The following TNFSF4 variants were observed in gnomAD, a reference collection of about 807,000 sequenced individuals.
TNFSF4 encodes the protein tumor necrosis factor ligand superfamily member 4.
TNFSF4 carries 4 observed loss-of-function variants against 7.3 expected under a neutral mutation model. That is an observed-to-expected ratio of 0.55 (90% confidence interval 0.27 to 1.25). The LOEUF is 1.25. Among genes scored for constraint, TNFSF4 ranks in the 50% most tolerant of loss-of-function variants. The pLI, the probability that TNFSF4 is intolerant of heterozygous loss-of-function variation, is 0.12. For missense variants in TNFSF4, 181 were observed against 208.8 expected (o/e 0.87, Z 0.82); for synonymous variants, 76 against 83.7 (o/e 0.91, Z 0.50).
At chr1:173,242,465 G>C in the TNFSF4 span, among the ~76,000 whole-genome samples, 4 of 152,304 alleles carry the variant, frequency 2.6e-5, no homozygotes, top group African/African-American at 9.6e-5. Flanking sequence ...TTTGCTTTGA[G>C]TAAAAGAATT....
Position 173,185,169 on chromosome 1 carries a change from A to G in TNFSF4, c.*1347T>C, listed in dbSNP as rs1649169805. On this transcript the variant is annotated 3_prime_UTR_variant, in exon 3 of 3. Transcript: ENST00000281834. ...TGTGATGTTGTATCCTCTATTGAAAATGTCAGGGAAACATGTGCTACAATT... is the reference window on the plus strand; with the variant it reads ...TGTGATGTTGTATCCTCTATTGAAAGTGTCAGGGAAACATGTGCTACAATT... The G allele has an allele frequency of 6.6e-6, 1 of 152,246 alleles. No individual in the cohort carries two copies. Among genetic ancestry groups the G allele is most frequent in the Non-Finnish European group, 1.5e-5 (1 of 68,044 alleles). The allele number at this position is 152,246 out of a possible 1,614,324, so 9.4% of individuals were successfully genotyped here. A position where few individuals can be genotyped will look rare whatever the true frequency, so the allele number is the denominator to read the frequency against.
At chr1:173,264,352 GTCTC>G in the TNFSF4 span, among the ~76,000 whole-genome samples, 7 of 141,442 alleles carry the variant, frequency 4.9e-5, no homozygotes, top group Non-Finnish European at 9.1e-5. Flanking sequence ...AGAGACAGTG[GTCTC>G]TCTATGTTGC....
At chr1:173,254,486 T>A in the TNFSF4 span, among the ~76,000 whole-genome samples, 3 of 152,316 alleles carry the variant, frequency 2.0e-5, no homozygotes, top group South Asian at 6.2e-4. Context: ...GATAAAATGG[T>A]CTGTTTTGGG....
chr1:173,399,697 G>A, the TNFSF4 span, among the ~76,000 whole-genome samples: 1 of 151,826 alleles, frequency 6.6e-6, no homozygotes. Flanking sequence ...ATAATCAAAT[G>A]GACAGGGTGA....
chr1:173,419,781 T>C, the TNFSF4 span, among the ~76,000 whole-genome samples: 1 of 152,192 alleles, frequency 6.6e-6, no homozygotes, highest in East Asian at 1.9e-4. Context: ...TTTATGTCCC[T>C]GCTATAATGG....
the TNFSF4 span, among the ~76,000 whole-genome samples, chr1:173,228,080 G>A: frequency 1.3e-5 from 2 of 152,298 alleles, no homozygotes; most frequent in African/African-American, 4.8e-5. Flanking sequence ...AAGAGGAGTA[G>A]TGGTTGTTCC....
At chr1:173,367,230 C>G in the TNFSF4 span, among the ~76,000 whole-genome samples, 1 of 152,194 alleles carries the variant, frequency 6.6e-6, no homozygotes, top group African/African-American at 2.4e-5. Context: ...AGAGTAGCTT[C>G]CAGCCCCATA....
the TNFSF4 span, among the ~76,000 whole-genome samples, chr1:173,289,737 G>T: frequency 1.3e-3 from 197 of 152,204 alleles, no homozygotes; most frequent in East Asian, 0.014. Flanking sequence ...TGCAGTATCT[G>T]AATTGAAAAA....
chr1:173,419,825 T>C, the TNFSF4 span, among the ~76,000 whole-genome samples: 1 of 152,260 alleles, frequency 6.6e-6, no homozygotes, highest in South Asian at 2.1e-4. Flanking sequence ...TTAAAATAGA[T>C]TAACTATAGC....
At chr1:173,277,204 G>A in the TNFSF4 span, among the ~76,000 whole-genome samples, 1 of 152,138 alleles carries the variant, frequency 6.6e-6, no homozygotes, top group Admixed American at 6.6e-5. Context: ...CCTGTCTGGG[G>A]TGAAGACCAT....
At chr1:173,303,871 A>C in the TNFSF4 span, among the ~76,000 whole-genome samples, 4 of 151,928 alleles carry the variant, frequency 2.6e-5, no homozygotes, top group Non-Finnish European at 5.9e-5. Context: ...GGTCAATAAT[A>C]TATAAGTAAG....
intron 1 of TNFSF4, among the ~76,000 whole-genome samples, chr1:173,195,543 G>T (rs139503491): frequency 6.6e-6 from 1 of 152,320 alleles, no homozygotes; most frequent in East Asian, 1.9e-4. Context: ...CTGATATCTG[G>T]CATTTATTCA....
the TNFSF4 span, among the ~76,000 whole-genome samples, chr1:173,270,834 C>G: frequency 6.6e-6 from 1 of 151,956 alleles, no homozygotes. Flanking sequence ...TGAGGTGGCA[C>G]TAGAGTCATA....
upstream of TNFSF4, among the ~76,000 whole-genome samples, chr1:173,210,733 G>A (rs1180980799): frequency 6.6e-6 from 1 of 152,026 alleles, no homozygotes; most frequent in African/African-American, 2.4e-5. Context: ...TCTAGGGGGG[G>A]GAAAAGAGAC....
the TNFSF4 span, among the ~76,000 whole-genome samples, chr1:173,224,006 G>A: frequency 6.6e-6 from 1 of 152,286 alleles, no homozygotes; most frequent in Admixed American, 6.5e-5. Flanking sequence ...CTAGCCCAAA[G>A]CCCCCAGGTG....
upstream of TNFSF4, among the ~76,000 whole-genome samples, chr1:173,211,308 T>C (rs1270324076): frequency 6.6e-6 from 1 of 152,216 alleles, no homozygotes; most frequent in East Asian, 1.9e-4. Flanking sequence ...TTTCAACCTA[T>C]TCCTGATCCT....
At chr1:173,396,212 C>T in the TNFSF4 span, among the ~76,000 whole-genome samples, 1 of 152,122 alleles carries the variant, frequency 6.6e-6, no homozygotes, top group African/African-American at 2.4e-5. Context: ...AATGGAAATG[C>T]ATATTAAAGG....
At chr1:173,314,948 G>C in the TNFSF4 span, among the ~76,000 whole-genome samples, 137,232 of 152,166 alleles carry the variant, frequency 0.9, 61,995 homozygotes, top group East Asian at 0.99. Context: ...GGTAGGAGAA[G>C]TGGGGCAAGG....
chr1:173,205,229 CA>C, intron 1 of TNFSF4: 1 of 1,540,286 alleles, frequency 6.5e-7, no homozygotes, highest in Non-Finnish European at 8.9e-7. Context: ...CTTAAGCAAA[CA>C]ACTCAAATAT....
Sources: allele counts gnomAD v4.1 joint callset (sites outside exome capture counted in the v4.1 genomes callset), GRCh38; gene constraint gnomAD v4.1.1; transcripts MANE v1.5; gene names NCBI Gene and HGNC (gene_info 2026-07-23, HGNC 2026-07-21).